Variants in FAF1 observed in about 807,000 individuals in gnomAD.
FAF1 encodes FAS-associated factor 1.
Under a neutral mutation model 92.5 loss-of-function variants are expected in FAF1, and 25 were observed. The ratio of observed to expected loss-of-function variants is 0.27; its 90% CI spans 0.20 to 0.38. The LOEUF (loss-of-function observed/expected upper bound fraction) is 0.38, where lower values mean the gene tolerates loss of function less well. FAF1 is among the 10% of genes least tolerant of loss of function. FAF1 has a pLI of 1.00. For synonymous variants in FAF1, 234 were observed against 273.2 expected (o/e 0.86, Z 1.42); for missense variants, 636 against 793.3 (o/e 0.80, Z 2.38).
At chr1:50,709,783 CT>C (rs1266013831) in intron 6 of FAF1, among the ~76,000 whole-genome samples, 1 of 152,106 alleles carries the variant, frequency 6.6e-6, no homozygotes, top group African/African-American at 2.4e-5. Context: ...TATTTGATTC[CT>C]ATTATCTGTA....
chr1:50,447,889 G>A (rs943121246), intron 18 of FAF1, among the ~76,000 whole-genome samples: 2 of 152,174 alleles, frequency 1.3e-5, no homozygotes, highest in Admixed American at 1.3e-4. Context: ...ATTATCTAAT[G>A]TTATCAGGAT....
intron 12 of FAF1, among the ~76,000 whole-genome samples, chr1:50,581,244 C>A (rs1158536730): frequency 3.3e-5 from 5 of 152,134 alleles, no homozygotes; most frequent in Non-Finnish European, 7.4e-5. Flanking sequence ...AAGTTTCTTA[C>A]TCTAAATTCA....
chr1:50,902,769 T>C (rs1245656004), intron 1 of FAF1, among the ~76,000 whole-genome samples: 1 of 152,238 alleles, frequency 6.6e-6, no homozygotes, highest in Non-Finnish European at 1.5e-5. Context: ...ACAATGTAAA[T>C]GATATGTAAG....
At chr1:50,540,803 G>C (rs1188283627) in intron 13 of FAF1, among the ~76,000 whole-genome samples, 3 of 152,112 alleles carry the variant, frequency 2.0e-5, no homozygotes, top group Non-Finnish European at 4.4e-5. Context: ...ATTTAATAAA[G>C]TCTGTAAAAA....
At chr1:50,534,267 G>T (rs1415622453) in intron 15 of FAF1, among the ~76,000 whole-genome samples, 1 of 151,912 alleles carries the variant, frequency 6.6e-6, no homozygotes, top group African/African-American at 2.4e-5. Flanking sequence ...TTAGCCTTGG[G>T]GTCTATATTA....
rs112654194 is a variant in FAF1, at chr1:50,813,646, A to G, written c.115-11969T>C. Among the ~76,000 whole-genome samples the G allele has an allele frequency of 3.0e-3, 454 of 152,190 alleles. 4 individuals are homozygous for G. Among genetic ancestry groups the G allele is most frequent in the African/African-American group, 0.01 (428 of 41,512 alleles). ...CAACTAATTTTAAAAATTTTTTTGT[A>G]GAGACGGAGTTTCACCATGTTGTTG... On this transcript the variant is annotated intron_variant, in intron 2 of 18. Transcript: ENST00000396153.
chr1:50,462,605 G>T (rs1372683507), intron 18 of FAF1, among the ~76,000 whole-genome samples: 1 of 152,166 alleles, frequency 6.6e-6, no homozygotes, highest in East Asian at 1.9e-4. Context: ...CAGGCTCAAG[G>T]ACAACCGTAG....
chr1:50,739,536 A>C (rs1659303571), intron 5 of FAF1, among the ~76,000 whole-genome samples: 1 of 152,196 alleles, frequency 6.6e-6, no homozygotes, highest in African/African-American at 2.4e-5. Context: ...CAAACAGATA[A>C]GAACACAGTT....
intron 1 of FAF1, among the ~76,000 whole-genome samples, chr1:50,953,355 TC>T (rs1319526851): frequency 6.7e-6 from 1 of 149,572 alleles, no homozygotes; most frequent in African/African-American, 2.5e-5. Flanking sequence ...CCCTGCCAAA[TC>T]CCCCTCTCCG....
At chr1:50,744,860 G>T in intron 4 of FAF1, 85 bp from the exon 5 acceptor site, 1 of 719,182 alleles carries the variant, frequency 1.4e-6, no homozygotes, top group Non-Finnish European at 2.4e-6. Context: ...ACTAATATGT[G>T]GCATACAGTG....
intron 1 of FAF1, 43 bp from the exon 2 acceptor site, chr1:50,858,040 A>C (rs746246703): frequency 5.7e-5 from 80 of 1,392,492 alleles, no homozygotes; most frequent in Non-Finnish European, 8.0e-5. Flanking sequence ...AATTTTAGAA[A>C]TAGGGAGGTA....
intron 15 of FAF1, among the ~76,000 whole-genome samples, chr1:50,508,662 C>A (rs1647090737): frequency 6.6e-6 from 1 of 152,022 alleles, no homozygotes; most frequent in Non-Finnish European, 1.5e-5. Flanking sequence ...GACAGCTGTA[C>A]AATATTGTGA....
chr1:50,905,543 C>T (rs1054266782), intron 1 of FAF1, among the ~76,000 whole-genome samples: 3 of 152,122 alleles, frequency 2.0e-5, no homozygotes, highest in Non-Finnish European at 2.9e-5. Context: ...CTCTCTAGCA[C>T]CTGCAGTTTC....
chr1:50,752,769 G>T (rs1362464631), intron 4 of FAF1, among the ~76,000 whole-genome samples: 1 of 151,956 alleles, frequency 6.6e-6, no homozygotes. Flanking sequence ...TGCAGCCTCC[G>T]CCTCCCGGGT....
At chr1:50,659,630 C>A (rs967830327) in intron 7 of FAF1, among the ~76,000 whole-genome samples, 3 of 151,948 alleles carry the variant, frequency 2.0e-5, no homozygotes, top group Non-Finnish European at 2.9e-5. Flanking sequence ...TCATGCTGAA[C>A]CTTCATGATC....
chr1:50,589,457 T>C (rs1407756305), intron 9 of FAF1, among the ~76,000 whole-genome samples: 2 of 152,214 alleles, frequency 1.3e-5, no homozygotes, highest in African/African-American at 4.8e-5. Flanking sequence ...TGCTGGGCTG[T>C]GTTCCCAGGC....
chr1:50,636,463 G>A (rs1054280975), intron 8 of FAF1, among the ~76,000 whole-genome samples: 12 of 131,482 alleles, frequency 9.1e-5, no homozygotes, highest in African/African-American at 3.6e-4. Context: ...TCAGCTCACT[G>A]CAATCTATGC....
At chr1:50,756,624 C>T (rs1386219467) in intron 4 of FAF1, among the ~76,000 whole-genome samples, 2 of 152,186 alleles carry the variant, frequency 1.3e-5, no homozygotes, top group South Asian at 2.1e-4. Context: ...CATTTTCACG[C>T]TGCTGATAAA....
intron 15 of FAF1, among the ~76,000 whole-genome samples, chr1:50,534,946 T>G (rs914634014): frequency 6.6e-6 from 1 of 152,206 alleles, no homozygotes; most frequent in African/African-American, 2.4e-5. Flanking sequence ...ATGCTCACAG[T>G]ACTTCAAAAA....
Sources: gnomAD v4.1 joint callset for allele counts (sites outside exome capture counted in the v4.1 genomes callset) on GRCh38, gnomAD v4.1.1 for gene constraint, MANE v1.5 for transcripts, NCBI Gene and HGNC (gene_info 2026-07-23, HGNC 2026-07-21) for gene names.